Variants in ARHGAP30 observed in about 807,000 individuals in gnomAD.
ARHGAP30 encodes the protein Rho GTPase activating protein 30.
ARHGAP30 carries 23 observed loss-of-function variants against 72.0 expected under a neutral mutation model. The ratio of observed to expected loss-of-function variants is 0.32; its 90% CI spans 0.23 to 0.45. The LOEUF (loss-of-function observed/expected upper bound fraction) is 0.45, where lower values mean the gene tolerates loss of function less well. Among genes scored for constraint, ARHGAP30 ranks in the 20% least tolerant of loss-of-function variants. ARHGAP30 has a pLI of 1.00. For synonymous variants in ARHGAP30, 576 were observed against 528.2 expected (o/e 1.09, Z -1.24); for missense variants, 1,319 against 1,383.4 (o/e 0.95, Z 0.74).
At chr1:161,055,426 G>A (rs1385814422) in intron 3 of ARHGAP30, among the ~76,000 whole-genome samples, 1 of 152,156 alleles carries the variant, frequency 6.6e-6, no homozygotes, top group East Asian at 1.9e-4. Context: ...CTGGGAGATT[G>A]AGGTTGCAGT....
At chr1:161,058,378 A>G (rs1422653471) in intron 2 of ARHGAP30, among the ~76,000 whole-genome samples, 7 of 151,812 alleles carry the variant, frequency 4.6e-5, no homozygotes, top group South Asian at 2.1e-4. Flanking sequence ...TGTAATCCCA[A>G]CACTTTGAGA....
intron 1 of ARHGAP30, among the ~76,000 whole-genome samples, chr1:161,067,411 A>T (rs976044475): frequency 6.6e-6 from 1 of 152,048 alleles, no homozygotes; most frequent in Non-Finnish European, 1.5e-5. Context: ...CTCTACTAAA[A>T]ATACAAAAAT....
rs566245437 is a variant in ARHGAP30, at chr1:161,056,370, C to T, written c.345+18G>A. 10 of 1,612,108 alleles carry T rather than the reference C, an allele frequency of 6.2e-6. No individual in the cohort carries two copies. Among genetic ancestry groups the T allele is most frequent in the African/African-American group, 2.7e-5 (2 of 74,984 alleles). ...CACCCCTGAGCCCTGTCTTCCACCC[C>T]TCGGCCTCTCAACTCACAGCAAACT... On this transcript the variant is annotated intron_variant, in intron 3 of 11. Coordinates refer to ENST00000368013, the MANE Select transcript of ARHGAP30 (RefSeq NM_001025598.2).
intron 3 of ARHGAP30, among the ~76,000 whole-genome samples, chr1:161,055,977 A>T (rs1651852390): frequency 6.6e-6 from 1 of 151,688 alleles, no homozygotes; most frequent in Non-Finnish European, 1.5e-5. Flanking sequence ...TTCAACGCAT[A>T]ATTAGAGTGA....
chr1:161,049,189 C>G lies in ARHGAP30; in HGVS notation c.1832G>C (p.Ser611Thr), dbSNP rs781273702. 6.2e-7 allele frequency: 1 copy of G among 1,614,168 alleles called. No individual in the cohort carries two copies. The change falls in exon 12 of 12, where the codon AGT (serine) becomes ACT (threonine). Residue 611 changes from serine to threonine, a missense_variant. Physicochemically the swap from Ser to Thr is moderately conservative, Grantham distance 58 (BLOSUM62 1). This residue lies in a region of ARHGAP30 where 1,097 missense variants were observed against 1,045.2 expected (regional missense o/e 1.05). Coordinates refer to ENST00000368013, the MANE Select transcript of ARHGAP30 (RefSeq NM_001025598.2). Reference sequence around the variant, plus strand: ...AAGGGGACTTAGGTCATCATAGGCACTCAGGAAAACTTCCTCCCCATTTTC... The same window carrying G: ...AAGGGGACTTAGGTCATCATAGGCAGTCAGGAAAACTTCCTCCCCATTTTC... ...EEENGEEVFLSAYDDLSPLLG... is the reference protein window; with the variant it reads ...EEENGEEVFLTAYDDLSPLLG...
intron 1 of ARHGAP30, among the ~76,000 whole-genome samples, chr1:161,063,093 G>A (rs763193833): frequency 4.6e-5 from 7 of 152,196 alleles, no homozygotes; most frequent in Non-Finnish European, 8.8e-5. Context: ...GATTACAGGC[G>A]TGAGCCACTG....
chr1:161,047,565 G>GTAGA lies in ARHGAP30; in HGVS notation c.*149_*150insTCTA. The GTAGA allele has an allele frequency of 4.0e-6, 3 of 750,400 alleles. No individual in the cohort carries two copies. Among genetic ancestry groups the GTAGA allele is most frequent in the South Asian group, 3.8e-5 (1 of 26,268 alleles). 46.5% of individuals were successfully genotyped at this position (750,400 alleles called of 1,614,324 possible). A position where few individuals can be genotyped will look rare whatever the true frequency, so the allele number is the denominator to read the frequency against. On this transcript the variant is annotated 3_prime_UTR_variant, in exon 12 of 12. Coordinates refer to ENST00000368013, the MANE Select transcript of ARHGAP30 (RefSeq NM_001025598.2). Reference sequence around the variant, plus strand: ...GTTCAGGTAAACCAACCAAGGCAGTGCCTCCCACAGTCAAAGAGAGAAGCT... The same window carrying GTAGA: ...GTTCAGGTAAACCAACCAAGGCAGTGTAGACCTCCCACAGTCAAAGAGAGAAGCT...
rs57196073 is a variant in ARHGAP30 at position 161,053,462 on chromosome 1, TTCTCTCTCTCTCTCTCTCTCTCTC to T, written c.537-101_537-78del. On this transcript the variant is annotated intron_variant, in intron 5 of 11. Transcript: ENST00000368013. ...CCAGATTCTCCCTGAAAATACCTTA[TTCTCTCTCTCTCTCTCTCTCTCTC>T]TCTCTCTCTCTCTCTCTCTCGAATG... The T allele has an allele frequency of 4.7e-3, 3,224 of 692,930 alleles. 72 individuals carry two copies. In the African/African-American group the frequency reaches 0.061, roughly 13 times the overall value. 42.9% of individuals were successfully genotyped at this position (692,930 alleles called of 1,614,324 possible). A position where few individuals can be genotyped will look rare whatever the true frequency, so the allele number is the denominator to read the frequency against.
intron 2 of ARHGAP30, among the ~76,000 whole-genome samples, chr1:161,057,741 G>A (rs966063478): frequency 6.6e-6 from 1 of 152,232 alleles, no homozygotes; most frequent in Non-Finnish European, 1.5e-5. Context: ...TAGGCCGGGC[G>A]CAGTGGCTCA....
intron 2 of ARHGAP30, 32 bp from the exon 3 acceptor site, chr1:161,056,564 G>A: frequency 6.3e-7 from 1 of 1,599,976 alleles, no homozygotes; most frequent in Non-Finnish European, 8.5e-7. Flanking sequence ...AGGAGTGGTA[G>A]GGGTTGGGGT....
Position 161,048,641 on chromosome 1 carries a change from C to T in ARHGAP30, c.2380G>A (p.Val794Ile). Residue 794 changes from valine (V) to isoleucine (I), a missense_variant, in exon 12 of 12, where the codon GTC (valine) becomes ATC (isoleucine). By Grantham distance (29) the Val-to-Ile change is conservative. Transcript: ENST00000368013. The part of the protein sequence containing the change: ...EVVQKQEAEG[V>I]REDEDKGQRE... The stretch of plus-strand genomic sequence containing the variant: ...TGTCCTTTGTCCTCATCCTCTCTGA[C>T]TCCCTCAGCCTCTTGTTTCTGTACA... The T allele has an allele frequency of 1.2e-6, 2 of 1,614,094 alleles. No homozygotes were observed. The highest frequency in any genetic ancestry group is 1.6e-4 in the Middle Eastern group (1 of 6,062).
intron 1 of ARHGAP30, among the ~76,000 whole-genome samples, chr1:161,064,186 C>T (rs183721698): frequency 6.6e-6 from 1 of 152,298 alleles, no homozygotes; most frequent in African/African-American, 2.4e-5. Flanking sequence ...ATCACGGATC[C>T]TACCAATGTG....
rs1651075190 is a variant in ARHGAP30 at position 161,048,643 on chromosome 1, C to T, written c.2378G>A (p.Gly793Glu). The change falls in exon 12 of 12, where the codon GGA (glycine) becomes GAA (glutamate). Residue 793 changes from glycine to glutamate, a missense_variant. Around this residue, in one of 2 missense-constraint regions of ARHGAP30, gnomAD observed 1,097 missense variants for 1,045.2 expected, o/e 1.05. Transcript: ENST00000368013. ...WEVVQKQEAE[G>E]VREDEDKGQR... is the part of the protein sequence containing the mutation. Reference sequence around the variant, plus strand: ...TCCTTTGTCCTCATCCTCTCTGACTCCCTCAGCCTCTTGTTTCTGTACAAC... The same window carrying T: ...TCCTTTGTCCTCATCCTCTCTGACTTCCTCAGCCTCTTGTTTCTGTACAAC... 1 of 1,613,986 alleles carries T rather than the reference C, an allele frequency of 6.2e-7. No individual in the cohort carries two copies. Among genetic ancestry groups the T allele is most frequent in the African/African-American group, 1.3e-5 (1 of 74,878 alleles).
chr1:161,069,378 G>T lies in ARHGAP30; in HGVS notation c.97+150C>A. 1 of 725,160 alleles carries T rather than the reference G, an allele frequency of 1.4e-6. No individual in the cohort carries two copies. Among genetic ancestry groups the T allele is most frequent in the Non-Finnish European group, 2.3e-6 (1 of 441,982 alleles). The allele number at this position is 725,160 out of a possible 1,614,324, so 44.9% of individuals were successfully genotyped here. ...TTCACTGAGCCACATTTCCTGTCTTGCCCACTTACAGTTCTCTTGAATGGT... is the reference window on the plus strand; with the variant it reads ...TTCACTGAGCCACATTTCCTGTCTTTCCCACTTACAGTTCTCTTGAATGGT... On this transcript the variant is annotated intron_variant, in intron 1 of 11. Coordinates refer to ENST00000368013, the MANE Select transcript of ARHGAP30 (RefSeq NM_001025598.2). The surrounding 1 kb of genome is among the most constrained non-coding windows in gnomAD (Gnocchi z 4.9).
At chr1:161,055,810 A>T (rs1194839436) in intron 3 of ARHGAP30, among the ~76,000 whole-genome samples, 2 of 50,824 alleles carry the variant, frequency 3.9e-5, no homozygotes, top group African/African-American at 7.3e-5. Context: ...AAAATAATAA[A>T]ATAAAATAAA....
rs201140225 is a variant in ARHGAP30 at position 161,049,020 on chromosome 1, G to A, written c.2001C>T (p.Gly667=). Residue 667 remains glycine (G), a synonymous_variant, in exon 12 of 12, where the codon GGC becomes GGT. Transcript: ENST00000368013. ...VGEDKQAEPG[G]RLDIREEAEG... ...CTGCCTCTTCCCTGATGTCTAGCCT[G>A]CCTCCAGGCTCAGCCTGCTTGTCCT... 4.6e-5 allele frequency: 75 copies of A among 1,613,704 alleles called. No individual in the cohort carries two copies. Among genetic ancestry groups the A allele is most frequent in the Middle Eastern group, 1.6e-4 (1 of 6,084 alleles).
chr1:161,054,362 C>G lies in ARHGAP30; in HGVS notation c.536+4G>C. 6.2e-7 allele frequency: 1 copy of G among 1,613,036 alleles called. No homozygotes were observed. Among genetic ancestry groups the G allele is most frequent in the Middle Eastern group, 1.6e-4 (1 of 6,062 alleles). On this transcript the variant is annotated splice_donor_region_variant and intron_variant, in intron 5 of 11. Coordinates refer to ENST00000368013, the MANE Select transcript of ARHGAP30 (RefSeq NM_001025598.2). ...CCCCATACACTGCTCACACAGGCAC[C>G]TACCTCAGCAGGTTGGGAGCCCACA...
rs755221889 is a variant in ARHGAP30 at position 161,069,077 on chromosome 1, C to T, written c.97+451G>A. Among the ~76,000 whole-genome samples, 28 of 152,116 alleles carry T rather than the reference C, an allele frequency of 1.8e-4. No individual in the cohort carries two copies. The highest frequency in any genetic ancestry group is 1.0e-3 in the South Asian group (5 of 4,828). ...GGTGTTCTCCAGCCAGGAAACCACCCGCCTCAAGGGCCATCTTGAGACCCT... is the reference window on the plus strand; with the variant it reads ...GGTGTTCTCCAGCCAGGAAACCACCTGCCTCAAGGGCCATCTTGAGACCCT... On this transcript the variant is annotated intron_variant, in intron 1 of 11. Transcript: ENST00000368013. This position sits in a 1 kb window ranked among gnomAD's most constrained non-coding sequence, Gnocchi z 4.9.
chr1:161,064,846 A>G lies in ARHGAP30; in HGVS notation c.97+4682T>C, dbSNP rs879315494. ...AAGAAAGAAAGAGAAAGAAAGAAAGAAAGGAAAGGAAGGAGAGGAAGGAGA... is the reference window on the plus strand; with the variant it reads ...AAGAAAGAAAGAGAAAGAAAGAAAGGAAGGAAAGGAAGGAGAGGAAGGAGA... On this transcript the variant is annotated intron_variant, in intron 1 of 11. Coordinates refer to ENST00000368013, the MANE Select transcript of ARHGAP30 (RefSeq NM_001025598.2). Among the ~76,000 whole-genome samples, 128 of 80,020 alleles carry G rather than the reference A, an allele frequency of 1.6e-3. 1 individual carries two copies. Among genetic ancestry groups the G allele is most frequent in the African/African-American group, 3.1e-3 (75 of 24,140 alleles). The allele number at this position is 80,020 out of a possible 152,430, so 52.5% of individuals were successfully genotyped here.
Sources: gnomAD v4.1 joint callset for allele counts (sites outside exome capture counted in the v4.1 genomes callset) on GRCh38, gnomAD v4.1.1 for gene constraint, gnomAD v4.1.1 regional missense constraint, Gnocchi (gnomAD v3.1) non-coding constraint, MANE v1.5 for transcripts, NCBI Gene and HGNC (gene_info 2026-07-23, HGNC 2026-07-21) for gene names.